POLN: variants seen among roughly 807,000 people sequenced by gnomAD.
POLN encodes DNA polymerase nu, also known as DNA polymerase N.
POLN carries 108 observed loss-of-function variants against 113.5 expected under a neutral mutation model. That is an observed-to-expected ratio of 0.95 (90% confidence interval 0.81 to 1.12). The LOEUF (loss-of-function observed/expected upper bound fraction) is 1.12. Among genes scored for constraint, POLN ranks in the 50% most tolerant of loss-of-function variants. The pLI, the probability that POLN is intolerant of heterozygous loss-of-function variation, is 0.00. For missense variants in POLN, 1,097 were observed against 1,077.1 expected, an observed-to-expected ratio of 1.02 and a Z score of -0.26; for synonymous variants, 386 against 391.5, an observed-to-expected ratio of 0.99 and a Z score of 0.17.
Position 2,131,276 on chromosome 4 carries a change from G to C in POLN, c.1746C>G (p.Ile582Met). 1 of 1,585,976 alleles carries C rather than the reference G, an allele frequency of 6.3e-7. No homozygotes were observed. The highest frequency in any genetic ancestry group is 8.7e-7 in the Non-Finnish European group (1 of 1,155,830). Residue 582 changes from isoleucine (I) to methionine (M), a missense_variant, in exon 17 of 26, where the codon ATC (isoleucine) becomes ATG (methionine). By Grantham distance (10) the Ile-to-Met change is conservative. Coordinates refer to ENST00000511885, the MANE Select transcript of POLN (RefSeq NM_181808.4). The part of the protein sequence containing the change: ...LSAKHPNIQG[I>M]SKHPIQITTP... ...TAGTAATCTGAATTGGGTGCTTGGAGATACCTTGGATATTCTGTTAATAAT... is the reference window on the plus strand; with the variant it reads ...TAGTAATCTGAATTGGGTGCTTGGACATACCTTGGATATTCTGTTAATAAT...
chr4:2,078,473 CTTTTTTT>C (rs943435658), intron 23 of POLN: 1 of 495,466 alleles, frequency 2.0e-6, no homozygotes, highest in Non-Finnish European at 2.6e-6. Context: ...TCTTCTTCTT[CTTTTTTT>C]TTTTTTTTGT....
chr4:2,175,334 A>C (rs1732969312), intron 9 of POLN, among the ~76,000 whole-genome samples: 1 of 152,178 alleles, frequency 6.6e-6, no homozygotes, highest in Non-Finnish European at 1.5e-5. Flanking sequence ...AAAGAAATAA[A>C]AAGAAATTCT....
chr4:2,171,893 A>G (rs1015898177), intron 11 of POLN, among the ~76,000 whole-genome samples: 1 of 152,242 alleles, frequency 6.6e-6, no homozygotes, highest in African/African-American at 2.4e-5. Flanking sequence ...ATAATGGGAA[A>G]GAAAGAATCA....
At chr4:2,096,686 A>AAGAGAG (rs750844060) in intron 19 of POLN, among the ~76,000 whole-genome samples, 5,339 of 129,902 alleles carry the variant, frequency 0.041, 137 homozygotes, top group Non-Finnish European at 0.048. Flanking sequence ...AGCCGAGAGA[A>AAGAGAG]AGAGAGAGAG....
At chr4:2,174,289 G>A (rs1454360210) in intron 10 of POLN, among the ~76,000 whole-genome samples, 1 of 152,230 alleles carries the variant, frequency 6.6e-6, no homozygotes, top group Non-Finnish European at 1.5e-5. Flanking sequence ...AATGCCCCCT[G>A]GCTGACGTGG....
intron 7 of POLN, among the ~76,000 whole-genome samples, chr4:2,191,308 T>C (rs764331892): frequency 6.6e-6 from 1 of 152,118 alleles, no homozygotes; most frequent in African/African-American, 2.4e-5. Context: ...GTAGAGTAGA[T>C]TGGTGGTTAC....
At chr4:2,115,228 A>ATATATATAT (rs72052264) in intron 19 of POLN, among the ~76,000 whole-genome samples, 8 of 129,986 alleles carry the variant, frequency 6.2e-5, no homozygotes, top group African/African-American at 2.3e-4. Flanking sequence ...ATATATATAT[A>ATATATATAT]TTTTTTTTTT....
chr4:2,128,450 C>T (rs920784746), intron 18 of POLN, among the ~76,000 whole-genome samples: 3 of 152,016 alleles, frequency 2.0e-5, no homozygotes, highest in Admixed American at 1.3e-4. Flanking sequence ...AGAATGTGTG[C>T]GTGGAGGGGA....
At chr4:2,198,445 A>C in intron 6 of POLN, 79 bp downstream of exon 6, 1 of 1,312,334 alleles carries the variant, frequency 7.6e-7, no homozygotes, top group Non-Finnish European at 1.0e-6. Flanking sequence ...AACTATTAAA[A>C]CTGGACCTTG....
intron 19 of POLN, among the ~76,000 whole-genome samples, chr4:2,108,144 G>A (rs904630792): frequency 3.9e-5 from 6 of 152,120 alleles, no homozygotes; most frequent in South Asian, 4.1e-4. Context: ...TTCTCTTTCC[G>A]GCCAGGGCTC....
chr4:2,111,791 A>G lies in POLN; in HGVS notation c.1983-15858T>C, dbSNP rs1731200336. ...CCATGCTCATAAGTAGGAAGAATCA[A>G]TATCGTGAAAATGGCCATACTGCCC... On this transcript the variant is annotated intron_variant, in intron 19 of 25. Coordinates refer to ENST00000511885, the MANE Select transcript of POLN (RefSeq NM_181808.4). Among the ~76,000 whole-genome samples, 5 of 152,364 alleles carry G rather than the reference A, an allele frequency of 3.3e-5. No homozygotes were observed. In the South Asian group the frequency reaches 1.0e-3, roughly 32 times the overall value.
At chr4:2,078,708 T>C (rs1035844691) in intron 23 of POLN, 1 of 985,370 alleles carries the variant, frequency 1.0e-6, no homozygotes, top group South Asian at 4.7e-5. Context: ...ACACAGACCA[T>C]GTGCCCAATA....
At chr4:2,157,492 C>G (rs530213625) in intron 15 of POLN, among the ~76,000 whole-genome samples, 1 of 151,916 alleles carries the variant, frequency 6.6e-6, no homozygotes, top group Non-Finnish European at 1.5e-5. Context: ...TTTGGGAGGC[C>G]GAGGCAGGCA....
intron 19 of POLN, among the ~76,000 whole-genome samples, chr4:2,097,502 C>T (rs1730823358): frequency 6.6e-6 from 1 of 152,162 alleles, no homozygotes; most frequent in South Asian, 2.1e-4. Context: ...AGGCACCTGC[C>T]ACCATGCCCA....
At chr4:2,079,365 G>T in intron 23 of POLN, 1 of 916,018 alleles carries the variant, frequency 1.1e-6, no homozygotes, top group Non-Finnish European at 1.3e-6. Context: ...AGAAACTGTG[G>T]AAGTGAGCGG....
chr4:2,158,581 C>T (rs931113051), intron 14 of POLN, among the ~76,000 whole-genome samples: 7 of 152,196 alleles, frequency 4.6e-5, no homozygotes, highest in Non-Finnish European at 1.0e-4. Flanking sequence ...CTGCCAGGCC[C>T]TCAGGATACA....
intron 6 of POLN, among the ~76,000 whole-genome samples, chr4:2,197,449 A>G (rs188654885): frequency 2.3e-4 from 35 of 152,272 alleles, no homozygotes; most frequent in Middle Eastern, 3.4e-3. Context: ...GCCTAAGCTC[A>G]TGGAGGGCTG....
intron 24 of POLN, 43 bp from the exon 25 acceptor site, chr4:2,073,072 C>T: frequency 1.3e-6 from 2 of 1,598,226 alleles, no homozygotes; most frequent in South Asian, 1.1e-5. Context: ...GTCTCTTGGC[C>T]TTGGGGCCTG....
chr4:2,080,111 G>T (rs1370144528), intron 23 of POLN: 9 of 985,572 alleles, frequency 9.1e-6, no homozygotes, highest in Non-Finnish European at 1.1e-5. Flanking sequence ...TGACACTGTG[G>T]GGGGCTGGGG....
Sources: allele counts gnomAD v4.1 joint callset (sites outside exome capture counted in the v4.1 genomes callset), GRCh38; gene constraint gnomAD v4.1.1; transcripts MANE v1.5; gene names NCBI Gene and HGNC (gene_info 2026-07-23, HGNC 2026-07-21).